The following TBC1D4 variants were observed in gnomAD, a reference collection of about 807,000 sequenced individuals.
TBC1D4 encodes TBC1 domain family member 4, also known as TBC (Tre-2, BUB2, CDC16) domain-containing protein.
A neutral mutation model predicts 142.5 loss-of-function variants in TBC1D4; 121 were observed. The observed-to-expected ratio is 0.85, with a 90% CI of 0.73 to 0.99. The LOEUF (loss-of-function observed/expected upper bound fraction) is 0.99. TBC1D4 is among the 50% of genes least tolerant of loss of function. The pLI is 0.00. For synonymous variants in TBC1D4, 630 were observed against 628.2 expected, an observed-to-expected ratio of 1.00 and a Z score of -0.04; for missense variants, 1,475 against 1,606.6, an observed-to-expected ratio of 0.92 and a Z score of 1.40.
chr13:75,474,356 G>C (rs1199075052), intron 1 of TBC1D4, among the ~76,000 whole-genome samples: 1 of 152,312 alleles, frequency 6.6e-6, no homozygotes, highest in Admixed American at 6.5e-5. Flanking sequence ...TCAGGAAATC[G>C]AGACCATCCT....
intron 4 of TBC1D4, among the ~76,000 whole-genome samples, chr13:75,354,787 G>A (rs1016289733): frequency 6.6e-6 from 1 of 152,080 alleles, no homozygotes; most frequent in African/African-American, 2.4e-5. Context: ...TTAGGTCATC[G>A]GTTTTCTTTG....
chr13:75,472,241 A>G (rs1475616860), intron 1 of TBC1D4, among the ~76,000 whole-genome samples: 1 of 151,804 alleles, frequency 6.6e-6, no homozygotes, highest in Non-Finnish European at 1.5e-5. Context: ...CAACATGGTG[A>G]AACTCCGTAT....
intron 7 of TBC1D4, among the ~76,000 whole-genome samples, chr13:75,340,290 C>T (rs1319921617): frequency 6.6e-6 from 1 of 152,194 alleles, no homozygotes; most frequent in Non-Finnish European, 1.5e-5. Context: ...TTAGTGTTAT[C>T]AAGAGTAAAT....
chr13:75,393,124 C>T (rs1178460379), intron 1 of TBC1D4, among the ~76,000 whole-genome samples: 1 of 139,580 alleles, frequency 7.2e-6, no homozygotes, highest in African/African-American at 3.2e-5. Context: ...AATACACACA[C>T]ACACACACAC....
chr13:75,464,663 G>A lies in TBC1D4; in HGVS notation c.498+16607C>T, dbSNP rs558466098. ...CCACTGGGTTAGGGTCTTCACAACC[G>A]GGCTGGTCTCGGCACCTGGCAAATG... On this transcript the variant is annotated intron_variant, in intron 1 of 20. Coordinates refer to ENST00000377636, the MANE Select transcript of TBC1D4 (RefSeq NM_014832.5). 9.2e-5 allele frequency among the ~76,000 whole-genome samples: 14 copies of A among 152,284 alleles called. No individual in the cohort carries two copies. In the South Asian group the frequency reaches 1.0e-3, roughly 11 times the overall value.
intron 5 of TBC1D4, among the ~76,000 whole-genome samples, chr13:75,344,331 T>C (rs1027216785): frequency 2.6e-5 from 4 of 152,260 alleles, no homozygotes; most frequent in African/African-American, 9.6e-5. Context: ...ATTTGAAGTA[T>C]GTAACTAAAT....
chr13:75,328,682 G>A (rs1202776974), intron 8 of TBC1D4, among the ~76,000 whole-genome samples: 1 of 152,136 alleles, frequency 6.6e-6, no homozygotes, highest in Non-Finnish European at 1.5e-5. Flanking sequence ...AAAAAAGAAT[G>A]AGTGGAAACA....
rs34205789 is a variant in TBC1D4, at chr13:75,393,116, TACACACAC to T, written c.499-30517_499-30510del. 6.9e-3 allele frequency among the ~76,000 whole-genome samples: 982 copies of T among 141,464 alleles called. 14 individuals are homozygous for T. The highest frequency in any genetic ancestry group is 0.024 in the African/African-American group (907 of 37,468). 92.8% of individuals were successfully genotyped at this position (141,464 alleles called of 152,430 possible). A position where few individuals can be genotyped will look rare whatever the true frequency, so the allele number is the denominator to read the frequency against. ...AAAAATACATAAATTTAAATTAAAA[TACACACAC>T]ACACACACACACACACACACACACA... is the stretch of plus-strand genomic sequence containing the variant. On this transcript the variant is annotated intron_variant, in intron 1 of 20. Coordinates refer to ENST00000377636, the MANE Select transcript of TBC1D4 (RefSeq NM_014832.5).
chr13:75,301,628 G>A (rs1201301426), intron 16 of TBC1D4, among the ~76,000 whole-genome samples: 3 of 150,350 alleles, frequency 2.0e-5, no homozygotes, highest in African/African-American at 2.5e-5. Context: ...CTGGGCAACA[G>A]AGGGAGACTC....
At chr13:75,347,470 A>G (rs1427624666) in intron 5 of TBC1D4, among the ~76,000 whole-genome samples, 1 of 152,210 alleles carries the variant, frequency 6.6e-6, no homozygotes, top group Non-Finnish European at 1.5e-5. Flanking sequence ...AATTTTCATA[A>G]AATCAAATAT....
chr13:75,389,996 C>T (rs894496480), intron 1 of TBC1D4, among the ~76,000 whole-genome samples: 2 of 152,064 alleles, frequency 1.3e-5, no homozygotes, highest in Admixed American at 6.6e-5. Context: ...TCAGAAGAGG[C>T]TGGGCATGGT....
intron 12 of TBC1D4, among the ~76,000 whole-genome samples, chr13:75,319,641 T>C (rs1266824438): frequency 6.6e-6 from 1 of 152,228 alleles, no homozygotes; most frequent in East Asian, 1.9e-4. Flanking sequence ...AGGATGCTCA[T>C]TTCTGCATCT....
intron 10 of TBC1D4, among the ~76,000 whole-genome samples, chr13:75,324,997 G>A (rs1879107475): frequency 1.3e-5 from 2 of 152,192 alleles, no homozygotes; most frequent in Admixed American, 1.3e-4. Context: ...CAATGACACA[G>A]AGAGCATCTT....
At chr13:75,461,205 C>T (rs1887951921) in intron 1 of TBC1D4, among the ~76,000 whole-genome samples, 1 of 152,170 alleles carries the variant, frequency 6.6e-6, no homozygotes, top group Admixed American at 6.5e-5. Flanking sequence ...GCAATCAGAG[C>T]TCAAATTCAG....
intron 1 of TBC1D4, among the ~76,000 whole-genome samples, chr13:75,424,317 T>C (rs1886290016): frequency 6.6e-6 from 1 of 150,854 alleles, no homozygotes; most frequent in Non-Finnish European, 1.5e-5. Context: ...AAGAAAAAAT[T>C]GTGAATGCAG....
At chr13:75,432,233 C>T (rs1886618792) in intron 1 of TBC1D4, among the ~76,000 whole-genome samples, 1 of 152,072 alleles carries the variant, frequency 6.6e-6, no homozygotes, top group Admixed American at 6.6e-5. Context: ...GGGAAAAGCT[C>T]CACTTGATCT....
chr13:75,294,761 T>G, intron 18 of TBC1D4, 93 bp downstream of exon 18: 1 of 1,393,374 alleles, frequency 7.2e-7, no homozygotes, highest in African/African-American at 1.4e-5. Flanking sequence ...GTATAACACA[T>G]GATAGAACAA....
chr13:75,300,824 T>G lies in TBC1D4; in HGVS notation c.2912-1250A>C, dbSNP rs540722403. Among the ~76,000 whole-genome samples the G allele has an allele frequency of 1.4e-4, 22 of 152,278 alleles. No homozygotes were observed. In the South Asian group the frequency reaches 4.6e-3, roughly 32 times the overall value. Reference sequence around the variant, plus strand: ...AATTTATGGTCAGAGAACCACAGATTTGCTTGGGAACATAGGGATTGCCTT... The same window carrying G: ...AATTTATGGTCAGAGAACCACAGATGTGCTTGGGAACATAGGGATTGCCTT... On this transcript the variant is annotated intron_variant, in intron 16 of 20. Coordinates refer to ENST00000377636, the MANE Select transcript of TBC1D4 (RefSeq NM_014832.5).
In TBC1D4 at chr13:75,310,194, C is replaced by A. The variant is rs200678063; in HGVS notation, c.2384-43G>T. The stretch of plus-strand genomic sequence containing the variant: ...GTGAGAGGCATTCCTTAGCAGTAAC[C>A]CAGACTACCCAAGTTTCTGTAGAAT... On this transcript the variant is annotated intron_variant, in intron 13 of 20. Coordinates refer to ENST00000377636, the MANE Select transcript of TBC1D4 (RefSeq NM_014832.5). The A allele has an allele frequency of 5.7e-6, 9 of 1,571,356 alleles. No individual in the cohort carries two copies. In the African/African-American group the frequency reaches 1.2e-4, roughly 21 times the overall value.
Sources: gnomAD v4.1 joint callset for allele counts (sites outside exome capture counted in the v4.1 genomes callset) on GRCh38, gnomAD v4.1.1 for gene constraint, MANE v1.5 for transcripts, NCBI Gene and HGNC (gene_info 2026-07-23, HGNC 2026-07-21) for gene names.